Variants in SLIT2 observed in about 807,000 individuals in gnomAD.
The protein encoded by SLIT2 is slit guidance ligand 2.
A neutral mutation model predicts 185.7 loss-of-function variants in SLIT2; 41 were observed. The ratio of observed to expected loss-of-function variants is 0.22; its 90% CI spans 0.17 to 0.29. The LOEUF (loss-of-function observed/expected upper bound fraction) is 0.29, where lower values mean the gene tolerates loss of function less well. SLIT2 is among the 10% of genes least tolerant of loss of function. SLIT2 has a pLI of 1.00. For missense variants in SLIT2, 1,571 were observed against 1,909.0 expected, an observed-to-expected ratio of 0.82 and a Z score of 3.30; for synonymous variants, 693 against 680.2, an observed-to-expected ratio of 1.02 and a Z score of -0.29.
Position 20,569,090 on chromosome 4 carries a change from T to C in SLIT2, c.3088+86T>C, listed in dbSNP as rs1020358603. The C allele has an allele frequency of 3.5e-6, 4 of 1,154,504 alleles. No homozygotes were observed. In the African/African-American group the frequency reaches 6.1e-5, roughly 18 times the overall value. The allele number at this position is 1,154,504 out of a possible 1,614,324, so 71.5% of individuals were successfully genotyped here. ...AACTATGTTATATATGTTTAGTAAATCTTTTTTTATTTGATAAATGGTAGG... is the reference window on the plus strand; with the variant it reads ...AACTATGTTATATATGTTTAGTAAACCTTTTTTTATTTGATAAATGGTAGG... On this transcript the variant is annotated intron_variant, in intron 29 of 36. Coordinates refer to ENST00000504154, the MANE Select transcript of SLIT2 (RefSeq NM_004787.4).
intron 34 of SLIT2, 133 bp from the exon 35 acceptor site, chr4:20,616,777 C>T: frequency 2.1e-6 from 2 of 941,478 alleles, no homozygotes; most frequent in Non-Finnish European, 1.6e-6. Flanking sequence ...CTCCACTTCA[C>T]TTCCCTACCA....
chr4:20,397,276 C>G (rs529830707), intron 4 of SLIT2, among the ~76,000 whole-genome samples: 2 of 151,848 alleles, frequency 1.3e-5, no homozygotes, highest in East Asian at 3.9e-4. Context: ...ATCTAAAGTT[C>G]ATTGTCTTTG....
intron 34 of SLIT2, among the ~76,000 whole-genome samples, chr4:20,611,789 T>C (rs1417018946): frequency 6.6e-6 from 1 of 152,228 alleles, no homozygotes; most frequent in African/African-American, 2.4e-5. Context: ...GGTATGATTT[T>C]CTCTGTTTTG....
chr4:20,291,038 G>A (rs1042984222), intron 4 of SLIT2, among the ~76,000 whole-genome samples: 7 of 151,858 alleles, frequency 4.6e-5, no homozygotes, highest in Admixed American at 3.9e-4. Flanking sequence ...AATGTGGTCA[G>A]CACCCAACTA....
chr4:20,577,108 CTT>C (rs1181007295), intron 29 of SLIT2, among the ~76,000 whole-genome samples: 1 of 152,008 alleles, frequency 6.6e-6, no homozygotes, highest in Non-Finnish European at 1.5e-5. Flanking sequence ...AGCAAAAACT[CTT>C]TGGCTTTGAT....
chr4:20,299,356 A>C (rs1257592282), intron 4 of SLIT2, among the ~76,000 whole-genome samples: 1 of 152,208 alleles, frequency 6.6e-6, no homozygotes, highest in Non-Finnish European at 1.5e-5. Flanking sequence ...ACTTTATCAC[A>C]AACCATGTTT....
intron 4 of SLIT2, among the ~76,000 whole-genome samples, chr4:20,297,469 C>T (rs1007564123): frequency 1.4e-4 from 21 of 152,076 alleles, no homozygotes; most frequent in Non-Finnish European, 1.9e-4. Flanking sequence ...ATGAGCTATT[C>T]GCCAGCAGAT....
intron 29 of SLIT2, among the ~76,000 whole-genome samples, chr4:20,582,740 C>CT (rs2148937279): frequency 6.6e-6 from 1 of 152,228 alleles, no homozygotes; most frequent in East Asian, 1.9e-4. Context: ...GAACTTTTAC[C>CT]TTTTCACTTA....
chr4:20,449,343 C>A (rs1426420844), intron 4 of SLIT2, among the ~76,000 whole-genome samples: 1 of 152,074 alleles, frequency 6.6e-6, no homozygotes, highest in Admixed American at 6.5e-5. Flanking sequence ...AAACTGGAGA[C>A]AATGTATTGG....
At chr4:20,591,242 A>C (rs2148950849) in intron 30 of SLIT2, among the ~76,000 whole-genome samples, 1 of 152,300 alleles carries the variant, frequency 6.6e-6, no homozygotes, top group South Asian at 2.1e-4. Context: ...GGTCGGGATG[A>C]ATTTTATAAG....
At chr4:20,409,458 A>G (rs1364780471) in intron 4 of SLIT2, among the ~76,000 whole-genome samples, 2 of 152,038 alleles carry the variant, frequency 1.3e-5, no homozygotes, top group African/African-American at 4.8e-5. Flanking sequence ...CATTTTCTTT[A>G]TCCAGTTTAT....
chr4:20,548,556 C>T lies in SLIT2; in HGVS notation c.2414C>T (p.Thr805Ile). ...TTCAGCAACATGACCCAGCTCCTCA[C>T]CTTGTGAGTGTGAAAGTGTGGTACT... The part of the protein sequence containing the change: ...QSFSNMTQLL[T>I]LILSYNRLRC... The change falls in exon 23 of 37, where the codon ACC becomes ATC. Residue 805 changes from threonine to isoleucine, a missense_variant. By Grantham distance (89) the Thr-to-Ile change is moderately conservative (BLOSUM62 -1). Transcript: ENST00000504154. 3 of 1,592,390 alleles carry T rather than the reference C, an allele frequency of 1.9e-6. No individual in the cohort carries two copies. The highest frequency in any genetic ancestry group is 1.7e-6 in the Non-Finnish European group (2 of 1,160,492).
In SLIT2 at chr4:20,254,867, C is replaced by T; in HGVS notation, c.179+873C>T. 2.2e-6 allele frequency: 1 copy of T among 453,782 alleles called. No individual in the cohort carries two copies. Among genetic ancestry groups the T allele is most frequent in the Non-Finnish European group, 4.4e-6 (1 of 225,572 alleles). 28.1% of individuals were successfully genotyped at this position (453,782 alleles called of 1,614,324 possible). ...GCCCCTTCACGTGGCAGCAGTTCCC[C>T]TGCCTTCCCCTCTTCGCGCTCCGTT... On this transcript the variant is annotated intron_variant, in intron 1 of 36. Transcript: ENST00000504154. The surrounding 1 kb of genome is among the most constrained non-coding windows in gnomAD (Gnocchi z 5.1).
At chr4:20,346,056 T>C (rs1560338323) in intron 4 of SLIT2, among the ~76,000 whole-genome samples, 1 of 152,118 alleles carries the variant, frequency 6.6e-6, no homozygotes, top group African/African-American at 2.4e-5. Context: ...TGCAGCGGTA[T>C]GACCATGGCT....
intron 4 of SLIT2, among the ~76,000 whole-genome samples, chr4:20,414,609 T>G (rs1290047034): frequency 2.6e-5 from 4 of 152,154 alleles, no homozygotes; most frequent in Non-Finnish European, 5.9e-5. Context: ...TCCCTCAATG[T>G]TTTGGAGGAT....
intron 33 of SLIT2, among the ~76,000 whole-genome samples, chr4:20,599,801 A>G (rs1728271130): frequency 6.6e-6 from 1 of 152,220 alleles, no homozygotes; most frequent in Non-Finnish European, 1.5e-5. Flanking sequence ...AAGAATAGGC[A>G]TTGATTATGA....
At chr4:20,375,078 G>A (rs1410592916) in intron 4 of SLIT2, among the ~76,000 whole-genome samples, 1 of 152,076 alleles carries the variant, frequency 6.6e-6, no homozygotes, top group Non-Finnish European at 1.5e-5. Context: ...ACGTGTGTAT[G>A]TGTATAAGTG....
At chr4:20,538,480 C>G (rs932502467) in intron 18 of SLIT2, among the ~76,000 whole-genome samples, 3 of 152,150 alleles carry the variant, frequency 2.0e-5, no homozygotes, top group African/African-American at 7.2e-5. Context: ...ATAGGGCAAC[C>G]TAGAATTTTA....
chr4:20,303,357 C>A (rs1577396490), intron 4 of SLIT2, among the ~76,000 whole-genome samples: 2 of 152,122 alleles, frequency 1.3e-5, no homozygotes, highest in Middle Eastern at 3.4e-3. Context: ...TTATTGTTTT[C>A]ATTGAGGAGG....
Sources: allele counts gnomAD v4.1 joint callset (sites outside exome capture counted in the v4.1 genomes callset), GRCh38; gene constraint gnomAD v4.1.1; non-coding constraint Gnocchi (gnomAD v3.1); transcripts MANE v1.5; gene names NCBI Gene and HGNC (gene_info 2026-07-23, HGNC 2026-07-21).